IPO11: variants seen among roughly 807,000 people sequenced by gnomAD.
IPO11 encodes the protein importin 11.
A neutral mutation model predicts 143.2 loss-of-function variants in IPO11; 66 were observed. That is an observed-to-expected ratio of 0.46 (90% CI 0.38 to 0.57). IPO11 has a LOEUF of 0.57. Ranked by LOEUF, IPO11 falls within the 20% of genes least tolerant of loss-of-function variation. The pLI is 0.00. For missense variants in IPO11, 1,026 were observed against 1,141.0 expected (o/e 0.90, Z 1.45); for synonymous variants, 385 against 377.8 (o/e 1.02, Z -0.22).
intron 5 of IPO11, among the ~76,000 whole-genome samples, chr5:62,466,258 C>T (rs193061368): frequency 1.1e-4 from 17 of 152,158 alleles, no homozygotes; most frequent in Admixed American, 3.9e-4. Context: ...ATGGTGAAGC[C>T]GTTTTAATGG....
At chr5:62,530,081 A>G (rs1742494176) in intron 21 of IPO11, among the ~76,000 whole-genome samples, 1 of 152,236 alleles carries the variant, frequency 6.6e-6, no homozygotes, top group African/African-American at 2.4e-5. Flanking sequence ...CTAGTTTCCC[A>G]TCGAAGAACA....
At chr5:62,613,984 AC>A (rs1414523428) in intron 29 of IPO11, among the ~76,000 whole-genome samples, 1 of 152,012 alleles carries the variant, frequency 6.6e-6, no homozygotes, top group Non-Finnish European at 1.5e-5. Context: ...TTTTGCATGA[AC>A]CCTTGCAAGG....
chr5:62,527,420 C>A (rs1233998880), intron 21 of IPO11, among the ~76,000 whole-genome samples: 1 of 152,160 alleles, frequency 6.6e-6, no homozygotes, highest in African/African-American at 2.4e-5. Flanking sequence ...AATTAAACAT[C>A]ATTTATAGAA....
At position 62,435,910 on chromosome 5, in the gene IPO11, T is replaced by A; in HGVS notation, c.-6-1364T>A. 1.3e-5 allele frequency among the ~76,000 whole-genome samples: 2 copies of A among 152,078 alleles called. 1 individual carries two copies. The highest frequency in any genetic ancestry group is 6.3e-3 in the Middle Eastern group (2 of 316). Reference sequence around the variant, plus strand: ...TGGGCTTGGTGGTGTGCGCCTGTAATCCCAAATACTGGGGAGGCTGAGGCA... The same window carrying A: ...TGGGCTTGGTGGTGTGCGCCTGTAAACCCAAATACTGGGGAGGCTGAGGCA... On this transcript the variant is annotated intron_variant, in intron 1 of 29. Coordinates refer to ENST00000325324, the MANE Select transcript of IPO11 (RefSeq NM_016338.5).
intron 27 of IPO11, chr5:62,581,105 T>C: frequency 6.5e-7 from 1 of 1,549,354 alleles, no homozygotes. Context: ...AAACAAAAAC[T>C]AAAGGCATCA....
intron 5 of IPO11, among the ~76,000 whole-genome samples, chr5:62,464,378 A>T (rs1017138782): frequency 1.3e-5 from 2 of 151,186 alleles, no homozygotes; most frequent in Admixed American, 1.3e-4. Flanking sequence ...TGACCTTGTG[A>T]TCCTCCTGCC....
At chr5:62,575,859 T>G (rs1184049062) in intron 27 of IPO11, 1 of 152,214 alleles carries the variant, frequency 6.6e-6, no homozygotes, top group Non-Finnish European at 1.5e-5. Flanking sequence ...TCATTAAAAT[T>G]TATCTCCTAC....
At chr5:62,420,125 C>G (rs943953860) in intron 1 of IPO11, among the ~76,000 whole-genome samples, 2 of 151,520 alleles carry the variant, frequency 1.3e-5, no homozygotes, top group African/African-American at 4.9e-5. Flanking sequence ...CCTGTTTCTA[C>G]TAAAAAAATA....
At chr5:62,591,191 C>T (rs1744997526) in intron 27 of IPO11, among the ~76,000 whole-genome samples, 1 of 151,994 alleles carries the variant, frequency 6.6e-6, no homozygotes, top group Non-Finnish European at 1.5e-5. Context: ...ACTTGTTTTA[C>T]AAATATTTTC....
Position 62,494,079 on chromosome 5 carries a change from G to A in IPO11, c.1545G>A (p.Met515Ile). Reference sequence around the variant, plus strand: ...AATTCAAGTCTGACTTAAGACCCATGCTTTATGAAGCAATCTGTAACTTGC... The same window carrying A: ...AATTCAAGTCTGACTTAAGACCCATACTTTATGAAGCAATCTGTAACTTGC... The part of the protein sequence containing the change: ...SVKFKSDLRP[M>I]LYEAICNLLQ... Residue 515 changes from methionine to isoleucine, a missense_variant, in exon 16 of 30, where the codon ATG becomes ATA. Physicochemically the swap from Met to Ile is conservative, Grantham distance 10 (BLOSUM62 1). Around this residue, in one of 5 missense-constraint regions of IPO11, gnomAD observed 237 missense variants for 288.0 expected, o/e 0.82. Coordinates refer to ENST00000325324, the MANE Select transcript of IPO11 (RefSeq NM_016338.5). 1 of 1,612,978 alleles carries A rather than the reference G, an allele frequency of 6.2e-7. No individual in the cohort carries two copies.
chr5:62,579,950 T>A (rs1344771846), intron 27 of IPO11: 1 of 1,551,332 alleles, frequency 6.4e-7, no homozygotes, highest in Non-Finnish European at 8.7e-7. Flanking sequence ...CTCACTGTCC[T>A]TGGGAGTGGT....
At chr5:62,435,088 A>ATG (rs1561308718) in intron 1 of IPO11, among the ~76,000 whole-genome samples, 1 of 82,722 alleles carries the variant, frequency 1.2e-5, no homozygotes, top group Non-Finnish European at 2.3e-5. Flanking sequence ...ATATGTGTAT[A>ATG]TATGTATATA....
At chr5:62,523,571 G>A (rs1008310889) in intron 20 of IPO11, among the ~76,000 whole-genome samples, 1 of 152,154 alleles carries the variant, frequency 6.6e-6, no homozygotes, top group Non-Finnish European at 1.5e-5. Flanking sequence ...GAGAGAAGGG[G>A]AAAGATTTGA....
intron 29 of IPO11, among the ~76,000 whole-genome samples, chr5:62,626,092 C>T (rs546232776): frequency 1.2e-3 from 177 of 152,056 alleles, no homozygotes; most frequent in South Asian, 2.5e-3. Context: ...TGCAATGGCA[C>T]GATCTCAGCT....
chr5:62,560,197 G>C (rs1743726998), intron 26 of IPO11, among the ~76,000 whole-genome samples: 2 of 152,252 alleles, frequency 1.3e-5, no homozygotes, highest in African/African-American at 4.8e-5. Context: ...AAATCAGGAG[G>C]CCTTCCCAGG....
chr5:62,623,870 G>T (rs952078315), intron 29 of IPO11, among the ~76,000 whole-genome samples: 1 of 151,400 alleles, frequency 6.6e-6, no homozygotes, highest in Non-Finnish European at 1.5e-5. Context: ...TTATCCACCC[G>T]CCTCAGCCTT....
chr5:62,602,533 A>G (rs1286765416), intron 29 of IPO11, among the ~76,000 whole-genome samples: 1 of 152,186 alleles, frequency 6.6e-6, no homozygotes, highest in African/African-American at 2.4e-5. Flanking sequence ...AAATGAAAAC[A>G]ATTGTATCTA....
chr5:62,601,323 CA>C (rs1745498527), intron 28 of IPO11: 1 of 152,714 alleles, frequency 6.5e-6, no homozygotes, highest in Non-Finnish European at 1.5e-5. Flanking sequence ...ATTTGGAACA[CA>C]AGGTAGATTG....
intron 19 of IPO11, among the ~76,000 whole-genome samples, chr5:62,507,459 A>G (rs940578628): frequency 5.3e-5 from 8 of 152,172 alleles, no homozygotes; most frequent in Non-Finnish European, 8.8e-5. Context: ...TTAAGAACTC[A>G]TTTTAAGTCC....
Sources: allele counts gnomAD v4.1 joint callset (sites outside exome capture counted in the v4.1 genomes callset), GRCh38; gene constraint gnomAD v4.1.1; regional missense constraint gnomAD v4.1.1; transcripts MANE v1.5; gene names NCBI Gene and HGNC (gene_info 2026-07-23, HGNC 2026-07-21).